Variants in CTNNA3 observed in about 807,000 individuals in gnomAD.
CTNNA3 encodes catenin alpha-3.
Under a neutral mutation model 95.7 loss-of-function variants are expected in CTNNA3, and 76 were observed. The observed-to-expected ratio is 0.79, with a 90% CI of 0.66 to 0.96. The LOEUF (loss-of-function observed/expected upper bound fraction) is 0.96. Ranked by LOEUF, CTNNA3 falls within the 40% of genes least tolerant of loss-of-function variation. The probability of loss-of-function intolerance (pLI) is 0.00; values close to 1 mark genes in which losing one functional copy is unlikely to be tolerated. For synonymous variants in CTNNA3, 431 were observed against 374.4 expected, an observed-to-expected ratio of 1.15 and a Z score of -1.74; for missense variants, 1,191 against 1,089.8, an observed-to-expected ratio of 1.09 and a Z score of -1.31.
intron 12 of CTNNA3, among the ~76,000 whole-genome samples, chr10:66,336,971 A>G (rs2092404204): frequency 6.6e-6 from 1 of 152,136 alleles, no homozygotes; most frequent in South Asian, 2.1e-4. Flanking sequence ...CATGAAGTGC[A>G]GTATAACAGA....
intron 14 of CTNNA3, among the ~76,000 whole-genome samples, chr10:66,089,025 T>C (rs1377855280): frequency 6.6e-6 from 1 of 152,024 alleles, no homozygotes; most frequent in Non-Finnish European, 1.5e-5. Context: ...CAAATGGATG[T>C]TTGTCTTTAT....
At chr10:66,555,300 TCATC>T (rs1842355862) in intron 10 of CTNNA3, among the ~76,000 whole-genome samples, 3 of 152,148 alleles carry the variant, frequency 2.0e-5, no homozygotes, top group Admixed American at 6.6e-5. Context: ...AAAGTTCTGT[TCATC>T]CTCTCAACTG....
At chr10:66,751,795 G>A (rs1460859033) in intron 9 of CTNNA3, among the ~76,000 whole-genome samples, 1 of 151,942 alleles carries the variant, frequency 6.6e-6, no homozygotes. Context: ...TCTTTTAAGT[G>A]TACTACACAC....
At chr10:66,870,777 T>A (rs1297292899) in intron 7 of CTNNA3, among the ~76,000 whole-genome samples, 4 of 152,144 alleles carry the variant, frequency 2.6e-5, no homozygotes, top group African/African-American at 7.2e-5. Context: ...GCAGTTCAAA[T>A]TTTTTCCTTT....
chr10:67,700,587 A>T (rs902450504), upstream of CTNNA3, among the ~76,000 whole-genome samples: 1 of 152,230 alleles, frequency 6.6e-6, no homozygotes, highest in African/African-American at 2.4e-5. Flanking sequence ...AAGGAAAACT[A>T]ACAAACAGAA....
intron 3 of CTNNA3, among the ~76,000 whole-genome samples, chr10:67,551,498 G>A (rs974484343): frequency 5.3e-5 from 8 of 152,100 alleles, no homozygotes; most frequent in African/African-American, 1.9e-4. Context: ...AGAACCCCAG[G>A]ATACAAAAAG....
At chr10:66,062,422 C>T (rs1301738552) in intron 15 of CTNNA3, among the ~76,000 whole-genome samples, 3 of 152,086 alleles carry the variant, frequency 2.0e-5, no homozygotes, top group Non-Finnish European at 4.4e-5. Flanking sequence ...GTGACCCTCA[C>T]TCTCACAGGT....
intron 7 of CTNNA3, among the ~76,000 whole-genome samples, chr10:66,944,584 C>T (rs1419424391): frequency 6.6e-6 from 1 of 152,138 alleles, no homozygotes; most frequent in Non-Finnish European, 1.5e-5. Flanking sequence ...TAAAGGTTTT[C>T]AATTTACTTT....
intron 14 of CTNNA3, among the ~76,000 whole-genome samples, chr10:66,094,894 G>T (rs946914911): frequency 1.3e-5 from 2 of 152,126 alleles, no homozygotes; most frequent in African/African-American, 4.8e-5. Flanking sequence ...AGTAAAACCA[G>T]AACATGTTGT....
chr10:66,622,764 G>A (rs1241329657), intron 9 of CTNNA3, among the ~76,000 whole-genome samples: 2 of 152,080 alleles, frequency 1.3e-5, no homozygotes, highest in African/African-American at 4.8e-5. Flanking sequence ...TCCAGTTGCG[G>A]AGAAACTACG....
intron 13 of CTNNA3, among the ~76,000 whole-genome samples, chr10:66,222,995 C>T (rs540931397): frequency 2.6e-5 from 4 of 152,048 alleles, no homozygotes; most frequent in South Asian, 2.1e-4. Flanking sequence ...AGTGTGGATA[C>T]TTAGATATTT....
Position 67,431,362 on chromosome 10 carries a change from G to A in CTNNA3, c.579+90480C>T, listed in dbSNP as rs556351878. ...TCTCAGAATCAGAGTATCTGCTCAT[G>A]AACTACCTTTACTGGTTGTTTCAGG... On this transcript the variant is annotated intron_variant, in intron 5 of 17. Transcript: ENST00000433211. 2.6e-5 allele frequency among the ~76,000 whole-genome samples: 4 copies of A among 152,050 alleles called. No individual in the cohort carries two copies. In the East Asian group the frequency reaches 5.8e-4, roughly 22 times the overall value.
chr10:67,577,275 G>A (rs1330766573), intron 3 of CTNNA3, among the ~76,000 whole-genome samples: 1 of 152,028 alleles, frequency 6.6e-6, no homozygotes, highest in Non-Finnish European at 1.5e-5. Flanking sequence ...ATCTCATTGT[G>A]GTTTTGATTT....
intron 7 of CTNNA3, chr10:67,015,394 A>G (rs1852594804): frequency 6.6e-6 from 1 of 152,138 alleles, no homozygotes. Flanking sequence ...TATATTGTCT[A>G]AGTTTTGTTT....
At chr10:66,024,085 A>ATTTTTTTTTCTTTT (rs2079283248) in intron 15 of CTNNA3, among the ~76,000 whole-genome samples, 1 of 87,750 alleles carries the variant, frequency 1.1e-5, no homozygotes, top group Non-Finnish European at 2.1e-5. Flanking sequence ...TACCATACAC[A>ATTTTTTTTTCTTTT]TTTTTTTTTT....
intron 7 of CTNNA3, among the ~76,000 whole-genome samples, chr10:67,026,165 G>A (rs911043278): frequency 2.7e-5 from 4 of 150,236 alleles, no homozygotes; most frequent in East Asian, 2.0e-4. Context: ...GCTAAATGAC[G>A]AGTTAATGGG....
intron 7 of CTNNA3, among the ~76,000 whole-genome samples, chr10:67,172,491 CCAT>C (rs1221826892): frequency 6.6e-6 from 1 of 152,054 alleles, no homozygotes; most frequent in Non-Finnish European, 1.5e-5. Context: ...CTCTCAAAAT[CCAT>C]CATATGTATT....
At chr10:65,938,370 G>C (rs2077375655) in intron 17 of CTNNA3, among the ~76,000 whole-genome samples, 1 of 151,944 alleles carries the variant, frequency 6.6e-6, no homozygotes, top group Non-Finnish European at 1.5e-5. Flanking sequence ...GCTCTCCTTA[G>C]CAGAATTTAA....
chr10:66,012,552 C>G (rs1157253938), intron 15 of CTNNA3, among the ~76,000 whole-genome samples: 3 of 152,088 alleles, frequency 2.0e-5, no homozygotes, highest in Non-Finnish European at 4.4e-5. Context: ...AATGAGACAA[C>G]TGCATAAAAA....
Sources: gnomAD v4.1 joint callset for allele counts (sites outside exome capture counted in the v4.1 genomes callset) on GRCh38, gnomAD v4.1.1 for gene constraint, MANE v1.5 for transcripts, NCBI Gene and HGNC (gene_info 2026-07-23, HGNC 2026-07-21) for gene names.